CSMD1: variants seen among roughly 807,000 people sequenced by gnomAD.
CSMD1 encodes CUB and Sushi multiple domains 1.
CSMD1 carries 213 observed loss-of-function variants against 417.5 expected under a neutral mutation model. The observed-to-expected ratio is 0.51, with a 90% CI of 0.46 to 0.57. The LOEUF is 0.57. Among genes scored for constraint, CSMD1 ranks in the 20% least tolerant of loss-of-function variants. The pLI is 0.00. For missense variants in CSMD1, 6,923 were observed against 4,529.7 expected (o/e 1.53, Z -15.17); for synonymous variants, 2,862 against 1,736.8 (o/e 1.65, Z -16.11).
At chr8:3,659,362 C>A (rs1224537147) in intron 7 of CSMD1, among the ~76,000 whole-genome samples, 6 of 152,184 alleles carry the variant, frequency 3.9e-5, no homozygotes, top group African/African-American at 4.8e-5. Flanking sequence ...ATCTAGTTTA[C>A]TACCCACTGA....
In CSMD1 at chr8:4,227,640, C is replaced by G. The variant is rs570983458; in HGVS notation, c.415+192313G>C. Among the ~76,000 whole-genome samples, 6 of 152,210 alleles carry G rather than the reference C, an allele frequency of 3.9e-5. No individual in the cohort carries two copies. The South Asian group carries it at 1.2e-3, about 32-fold the overall frequency. ...AGTCAGACACTCGGCCTTCTTCCTACCAATCATTGCCAGTGATCCTCCTGG... is the reference window on the plus strand; with the variant it reads ...AGTCAGACACTCGGCCTTCTTCCTAGCAATCATTGCCAGTGATCCTCCTGG... On this transcript the variant is annotated intron_variant, in intron 3 of 69. Coordinates refer to ENST00000635120, the MANE Select transcript of CSMD1 (RefSeq NM_033225.6).
intron 5 of CSMD1, among the ~76,000 whole-genome samples, chr8:3,771,514 G>C (rs1404234602): frequency 2.6e-5 from 4 of 152,156 alleles, no homozygotes; most frequent in Non-Finnish European, 5.9e-5. Flanking sequence ...ACAGTTTGGA[G>C]CTTCTGCTCA....
At chr8:4,675,666 T>C (rs889111833) in intron 1 of CSMD1, among the ~76,000 whole-genome samples, 5 of 152,186 alleles carry the variant, frequency 3.3e-5, no homozygotes, top group Non-Finnish European at 7.4e-5. Flanking sequence ...AATCTCAAAA[T>C]TGAGCTGTTT....
intron 3 of CSMD1, among the ~76,000 whole-genome samples, chr8:4,236,662 G>T (rs1044533720): frequency 6.6e-6 from 1 of 152,146 alleles, no homozygotes; most frequent in Non-Finnish European, 1.5e-5. Context: ...ATAATGAATT[G>T]CATGCTTATT....
chr8:3,837,118 T>G (rs1448024057), intron 5 of CSMD1, among the ~76,000 whole-genome samples: 1 of 150,220 alleles, frequency 6.7e-6, no homozygotes, highest in Non-Finnish European at 1.5e-5. Flanking sequence ...CATTCAGTAT[T>G]AAATGCAAAA....
rs563108844 is a variant in CSMD1, at chr8:4,451,842, A to T, written c.303-31777T>A. ...TACCACAGTGAGTTTTGTTTACGTA[A>T]TTCACTCATTTATGCTTTCCCTTTC... On this transcript the variant is annotated intron_variant, in intron 2 of 69. Transcript: ENST00000635120. Among the ~76,000 whole-genome samples the T allele has an allele frequency of 2.5e-4, 38 of 151,998 alleles. 1 individual carries two copies. The South Asian group carries it at 7.7e-3, about 31-fold the overall frequency.
At chr8:4,344,332 T>C (rs955246548) in intron 3 of CSMD1, among the ~76,000 whole-genome samples, 2 of 152,062 alleles carry the variant, frequency 1.3e-5, no homozygotes, top group Admixed American at 6.6e-5. Flanking sequence ...TCAAATCAGC[T>C]TTACATCTTT....
chr8:3,663,462 C>T (rs1171706370), intron 7 of CSMD1, among the ~76,000 whole-genome samples: 4 of 152,026 alleles, frequency 2.6e-5, no homozygotes, highest in African/African-American at 7.2e-5. Context: ...GATTTGATAG[C>T]CATAGGGACT....
In CSMD1 at chr8:3,759,904, C is replaced by CAA. The variant is rs71203472; in HGVS notation, c.819-5864_819-5863dup. On this transcript the variant is annotated intron_variant, in intron 5 of 69. Transcript: ENST00000635120. Reference sequence around the variant, plus strand: ...AGCCTGGGTGACTGAGAGACTGTCTCAAAAAAAAAAAAAAAAAAAAAATGA... The same window carrying CAA: ...AGCCTGGGTGACTGAGAGACTGTCTCAAAAAAAAAAAAAAAAAAAAAAAATGA... Among the ~76,000 whole-genome samples, 377 of 95,572 alleles carry CAA rather than the reference C, an allele frequency of 3.9e-3. 1 individual carries two copies. Among genetic ancestry groups the CAA allele is most frequent in the African/African-American group, 0.01 (242 of 24,004 alleles). The allele number at this position is 95,572 out of a possible 152,430, so 62.7% of individuals were successfully genotyped here. A position where few individuals can be genotyped will look rare whatever the true frequency, so the allele number is the denominator to read the frequency against.
chr8:3,431,905 T>C (rs1262461802), intron 12 of CSMD1, among the ~76,000 whole-genome samples: 2 of 152,226 alleles, frequency 1.3e-5, no homozygotes, highest in Non-Finnish European at 2.9e-5. Flanking sequence ...CAGCACCTCT[T>C]ACTTCCTGCC....
intron 26 of CSMD1, 78 bp from the exon 27 acceptor site, chr8:3,230,309 G>C: frequency 8.4e-7 from 1 of 1,189,110 alleles, no homozygotes; most frequent in Non-Finnish European, 1.2e-6. Context: ...TTGTTCTTGT[G>C]GGTTGAAGCA....
intron 3 of CSMD1, among the ~76,000 whole-genome samples, chr8:4,198,421 T>C (rs112243061): frequency 2.0e-5 from 3 of 152,230 alleles, no homozygotes; most frequent in South Asian, 2.1e-4. Context: ...ATTGGCAATA[T>C]AGATAAGCCA....
At chr8:4,834,089 T>C (rs899953624) in intron 1 of CSMD1, among the ~76,000 whole-genome samples, 1 of 152,228 alleles carries the variant, frequency 6.6e-6, no homozygotes, top group Admixed American at 6.5e-5. Flanking sequence ...CCTAGAGATA[T>C]TCAAATGAAT....
At chr8:3,506,096 G>T (rs201366831) in intron 10 of CSMD1, among the ~76,000 whole-genome samples, 3 of 152,202 alleles carry the variant, frequency 2.0e-5, no homozygotes, top group African/African-American at 7.2e-5. Context: ...GTTCTCATAA[G>T]GAGGTGTCTC....
chr8:3,201,321 G>T (rs1796980216), intron 32 of CSMD1, among the ~76,000 whole-genome samples: 1 of 152,130 alleles, frequency 6.6e-6, no homozygotes, highest in Non-Finnish European at 1.5e-5. Context: ...ATTAAACACA[G>T]ATGATAGTTG....
intron 1 of CSMD1, among the ~76,000 whole-genome samples, chr8:4,966,748 T>G (rs1038227966): frequency 1.3e-5 from 2 of 152,218 alleles, no homozygotes; most frequent in Admixed American, 6.5e-5. Context: ...AAAATTGGAT[T>G]TAACATGTGT....
chr8:4,050,422 T>G (rs1014277304), intron 3 of CSMD1, among the ~76,000 whole-genome samples: 1 of 152,092 alleles, frequency 6.6e-6, no homozygotes, highest in East Asian at 1.9e-4. Context: ...TTAATTTTTG[T>G]TTTTTGCATA....
chr8:4,349,090 A>G (rs912393405), intron 3 of CSMD1, among the ~76,000 whole-genome samples: 1 of 152,232 alleles, frequency 6.6e-6, no homozygotes, highest in African/African-American at 2.4e-5. Context: ...TGCTCAAATT[A>G]CAAAATGAGC....
intron 6 of CSMD1, among the ~76,000 whole-genome samples, chr8:3,713,856 T>C (rs1026597229): frequency 2.6e-5 from 4 of 152,274 alleles, no homozygotes; most frequent in Admixed American, 6.5e-5. Context: ...AAAATATAAA[T>C]CTTGTGTCTT....
Sources: gnomAD v4.1 joint callset for allele counts (sites outside exome capture counted in the v4.1 genomes callset) on GRCh38, gnomAD v4.1.1 for gene constraint, MANE v1.5 for transcripts, NCBI Gene and HGNC (gene_info 2026-07-23, HGNC 2026-07-21) for gene names.